ARHGAP39: variants seen among roughly 807,000 people sequenced by gnomAD.
The protein encoded by ARHGAP39 is rho GTPase-activating protein 39.
ARHGAP39 carries 44 observed loss-of-function variants against 106.9 expected under a neutral mutation model. That is an observed-to-expected ratio of 0.41 (90% CI 0.32 to 0.53). The LOEUF (loss-of-function observed/expected upper bound fraction) is 0.53. ARHGAP39 is among the 20% of genes least tolerant of loss of function. The pLI is 0.21. For synonymous variants in ARHGAP39, 768 were observed against 693.2 expected, an observed-to-expected ratio of 1.11 and a Z score of -1.69; for missense variants, 1,496 against 1,577.3, an observed-to-expected ratio of 0.95 and a Z score of 0.87.
At position 144,647,683 on chromosome 8, in the gene ARHGAP39, G is replaced by A. The variant is rs1456026206; in HGVS notation, c.-82+38003C>T. Among the ~76,000 whole-genome samples, 2 of 152,216 alleles carry A rather than the reference G, an allele frequency of 1.3e-5. No homozygotes were observed. Among genetic ancestry groups the A allele is most frequent in the East Asian group, 1.9e-4 (1 of 5,198 alleles). On this transcript the variant is annotated intron_variant, in intron 1 of 11. Transcript: ENST00000377307. This position sits in a 1 kb window ranked among gnomAD's most constrained non-coding sequence, Gnocchi z 4.8. ...GACCAATCCAAGACAAGAAATGCTC[G>A]GGAGCTGGGGGACAGTCCTGGAGAC...
chr8:144,543,041 C>T (rs1413560879), intron 6 of ARHGAP39, among the ~76,000 whole-genome samples: 2 of 151,822 alleles, frequency 1.3e-5, no homozygotes, highest in South Asian at 2.1e-4. Flanking sequence ...ACGATCATGA[C>T]TCACTGCAGA....
chr8:144,617,577 T>C (rs1181365196), intron 1 of ARHGAP39, among the ~76,000 whole-genome samples: 1 of 122,956 alleles, frequency 8.1e-6, no homozygotes, highest in Non-Finnish European at 1.7e-5. Context: ...GATAAGAAAC[T>C]GAAAAGACAA....
intron 1 of ARHGAP39, among the ~76,000 whole-genome samples, chr8:144,678,684 T>C (rs1023690947): frequency 6.6e-6 from 1 of 152,194 alleles, no homozygotes; most frequent in African/African-American, 2.4e-5. Flanking sequence ...CTGTGCACTG[T>C]AGGATTTCAA....
chr8:144,574,552 T>G (rs1818703329), intron 3 of ARHGAP39, among the ~76,000 whole-genome samples: 1 of 152,140 alleles, frequency 6.6e-6, no homozygotes, highest in Non-Finnish European at 1.5e-5. Context: ...CGGGCACCTG[T>G]AGTCCCAGCT....
intron 4 of ARHGAP39, among the ~76,000 whole-genome samples, chr8:144,551,785 C>G (rs1285096771): frequency 6.6e-6 from 1 of 152,212 alleles, no homozygotes; most frequent in Non-Finnish European, 1.5e-5. Context: ...CTTGCCCCGG[C>G]CCCCGGGAGC....
chr8:144,648,099 C>T (rs1001066700), intron 1 of ARHGAP39, among the ~76,000 whole-genome samples: 7 of 152,176 alleles, frequency 4.6e-5, no homozygotes, highest in Non-Finnish European at 1.0e-4. Context: ...CTTCAGAGCC[C>T]TGAGCTGCCC....
intron 3 of ARHGAP39, among the ~76,000 whole-genome samples, chr8:144,570,419 T>C (rs888458889): frequency 6.6e-6 from 1 of 152,050 alleles, no homozygotes; most frequent in Non-Finnish European, 1.5e-5. Context: ...ATAGACTGGA[T>C]GGAAAAAGGA....
At chr8:144,553,856 G>A (rs922610044) in intron 4 of ARHGAP39, among the ~76,000 whole-genome samples, 4 of 152,196 alleles carry the variant, frequency 2.6e-5, no homozygotes, top group South Asian at 2.1e-4. Context: ...TCTTCTCCCC[G>A]CCCAATGCAG....
intron 2 of ARHGAP39, among the ~76,000 whole-genome samples, chr8:144,595,400 C>T (rs1027125536): frequency 6.6e-6 from 1 of 152,152 alleles, no homozygotes; most frequent in African/African-American, 2.4e-5. Flanking sequence ...AAAGCCGGCC[C>T]GCCGTGCCCG....
chr8:144,588,886 C>T (rs998268416), intron 2 of ARHGAP39, among the ~76,000 whole-genome samples: 4 of 152,232 alleles, frequency 2.6e-5, no homozygotes, highest in Non-Finnish European at 4.4e-5. Flanking sequence ...CACGTCCAGG[C>T]GAGGGGCGTG....
rs556656681 is a variant in ARHGAP39, at chr8:144,610,820, C to T, written c.-81-5125G>A. On this transcript the variant is annotated intron_variant, in intron 1 of 11. Transcript: ENST00000377307. ...ATATGCTGTATTTTCATTTTCATCC[C>T]GTTCAAAGAGTTTTGAGATGGAGTC... Among the ~76,000 whole-genome samples the T allele has an allele frequency of 5.9e-5, 9 of 152,076 alleles. No individual in the cohort carries two copies. The East Asian group carries it at 9.6e-4, about 16-fold the overall frequency.
chr8:144,537,603 G>A, intron 7 of ARHGAP39, 118 bp downstream of exon 7: 1 of 907,112 alleles, frequency 1.1e-6, no homozygotes, highest in East Asian at 2.4e-5. Context: ...CAGGCCTGAG[G>A]TTAGTGGCCC....
At chr8:144,659,017 A>C (rs1001372494) in intron 1 of ARHGAP39, among the ~76,000 whole-genome samples, 1 of 152,144 alleles carries the variant, frequency 6.6e-6, no homozygotes, top group Admixed American at 6.5e-5. Flanking sequence ...GCAGCCCAAC[A>C]GGGTTAGGGT....
At position 144,534,148 on chromosome 8, in the gene ARHGAP39, G is replaced by A; in HGVS notation, c.2669C>T (p.Ala890Val). 6.2e-7 allele frequency: 1 copy of A among 1,613,248 alleles called. No individual in the cohort carries two copies. Among genetic ancestry groups the A allele is most frequent in the Non-Finnish European group, 8.5e-7 (1 of 1,179,828 alleles). Residue 890 changes from alanine to valine, a missense_variant, in exon 8 of 12, where the codon GCC becomes GTC. By Grantham distance (64) the Ala-to-Val change is moderately conservative. Coordinates refer to ENST00000377307, the MANE Select transcript of ARHGAP39 (RefSeq NM_025251.3). The stretch of plus-strand genomic sequence containing the variant: ...CCGTACCTTCTTGGCCCCGGTCAGG[G>A]CTGCCTTCTGTAGCTTGTGGTAACA... ...KYCYHKLQKA[A>V]LTGAKKGLKK...
intron 1 of ARHGAP39, among the ~76,000 whole-genome samples, chr8:144,628,363 T>C (rs940625644): frequency 4.0e-5 from 6 of 151,702 alleles, no homozygotes; most frequent in African/African-American, 1.5e-4. Context: ...GCAGGAAAAA[T>C]AGCCAGGAGA....
chr8:144,652,811 G>A (rs945913655), intron 1 of ARHGAP39, among the ~76,000 whole-genome samples: 9 of 151,968 alleles, frequency 5.9e-5, no homozygotes, highest in African/African-American at 2.2e-4. Context: ...TAACTACTGG[G>A]TACTGGGCTT....
At chr8:144,577,655 C>T (rs527525954) in intron 3 of ARHGAP39, among the ~76,000 whole-genome samples, 14 of 152,342 alleles carry the variant, frequency 9.2e-5, no homozygotes, top group African/African-American at 1.4e-4. Context: ...AAGGTTACTA[C>T]AGCTAATACA....
At chr8:144,656,426 G>A (rs192444466) in intron 1 of ARHGAP39, among the ~76,000 whole-genome samples, 35 of 152,166 alleles carry the variant, frequency 2.3e-4, no homozygotes, top group Admixed American at 7.9e-4. Context: ...TCCTAAATGC[G>A]TATGCCTAGT....
intron 3 of ARHGAP39, among the ~76,000 whole-genome samples, chr8:144,558,332 G>C (rs1363739684): frequency 6.6e-6 from 1 of 151,860 alleles, no homozygotes; most frequent in Non-Finnish European, 1.5e-5. Flanking sequence ...TCTCACCCTG[G>C]CTTGAATGCA....
Sources: allele counts gnomAD v4.1 joint callset (sites outside exome capture counted in the v4.1 genomes callset), GRCh38; gene constraint gnomAD v4.1.1; non-coding constraint Gnocchi (gnomAD v3.1); transcripts MANE v1.5; gene names NCBI Gene and HGNC (gene_info 2026-07-23, HGNC 2026-07-21).